SLC22A16: variants seen among roughly 807,000 people sequenced by gnomAD.
SLC22A16 encodes the protein WUGSC:RG331P03.1.
A neutral mutation model predicts 52.9 loss-of-function variants in SLC22A16; 53 were observed. The ratio of observed to expected loss-of-function variants is 1.00; its 90% CI spans 0.80 to 1.26. SLC22A16 has a LOEUF of 1.26. SLC22A16 is among the 50% of genes most tolerant of loss of function. SLC22A16 has a pLI of 0.00. For missense variants in SLC22A16, 726 were observed against 704.0 expected, an observed-to-expected ratio of 1.03 and a Z score of -0.35; for synonymous variants, 291 against 268.8, an observed-to-expected ratio of 1.08 and a Z score of -0.81.
intron 4 of SLC22A16, among the ~76,000 whole-genome samples, chr6:110,441,548 G>A (rs192882820): frequency 5.9e-5 from 9 of 152,310 alleles, no homozygotes; most frequent in Middle Eastern, 3.4e-3. Context: ...TCATGGCAAC[G>A]TTTGTTGGGG....
At chr6:110,458,700 G>A (rs1775759275) in intron 1 of SLC22A16, among the ~76,000 whole-genome samples, 1 of 152,188 alleles carries the variant, frequency 6.6e-6, no homozygotes, top group Admixed American at 6.5e-5. Flanking sequence ...ACCCTCACCA[G>A]TTGAGGTGGG....
chr6:110,473,509 T>A (rs1490531722), intron 1 of SLC22A16, among the ~76,000 whole-genome samples: 2 of 14,140 alleles, frequency 1.4e-4, no homozygotes, highest in Non-Finnish European at 3.5e-4. Flanking sequence ...TTTTTTTTTT[T>A]TTTTTTTTTT....
intron 1 of SLC22A16, among the ~76,000 whole-genome samples, chr6:110,466,041 ACT>A (rs1307481563): frequency 2.0e-5 from 3 of 152,104 alleles, no homozygotes; most frequent in Non-Finnish European, 4.4e-5. Flanking sequence ...TGGGAAAAGG[ACT>A]CTCTATTCAA....
chr6:110,453,535 G>C, intron 2 of SLC22A16: 1 of 438,232 alleles, frequency 2.3e-6, no homozygotes, highest in South Asian at 1.6e-5. Flanking sequence ...TACTTCGTTA[G>C]CAAGCAGTAG....
intron 7 of SLC22A16, among the ~76,000 whole-genome samples, chr6:110,427,543 T>G (rs753422433): frequency 6.6e-6 from 1 of 152,196 alleles, no homozygotes; most frequent in Non-Finnish European, 1.5e-5. Flanking sequence ...CATTACTGCA[T>G]GCATATATAT....
chr6:110,426,744 A>G (rs955181109), intron 7 of SLC22A16, among the ~76,000 whole-genome samples: 42 of 152,208 alleles, frequency 2.8e-4, no homozygotes, highest in African/African-American at 8.7e-4. Context: ...CGAGGTCAGG[A>G]GTTCGAGACC....
intron 7 of SLC22A16, 23 bp from the exon 8 acceptor site, chr6:110,425,108 A>G (rs1349375711): frequency 1.5e-5 from 24 of 1,612,648 alleles, no homozygotes; most frequent in Non-Finnish European, 2.0e-5. Context: ...AAAAATAATG[A>G]TAAGTGACAC....
chr6:110,430,892 C>T (rs922395261), intron 7 of SLC22A16, among the ~76,000 whole-genome samples: 7 of 152,210 alleles, frequency 4.6e-5, no homozygotes, highest in Non-Finnish European at 8.8e-5. Flanking sequence ...CTCCCTTCCC[C>T]AGGCCTGGCT....
chr6:110,452,777 C>G (rs776941409), intron 2 of SLC22A16, among the ~76,000 whole-genome samples: 7 of 152,254 alleles, frequency 4.6e-5, no homozygotes, highest in Non-Finnish European at 7.4e-5. Context: ...TAAAGGCATT[C>G]TTCTATTTTT....
chr6:110,476,304 G>A, intron 1 of SLC22A16: 1 of 1,351,336 alleles, frequency 7.4e-7, no homozygotes, highest in South Asian at 1.7e-5. Context: ...CGAGCCCAGC[G>A]CCTCTGCTCA....
chr6:110,429,141 GA>G (rs1013792254), intron 7 of SLC22A16, among the ~76,000 whole-genome samples: 11 of 150,876 alleles, frequency 7.3e-5, no homozygotes, highest in South Asian at 2.1e-4. Flanking sequence ...TATCTTTTTT[GA>G]AAAAAAATAA....
chr6:110,449,926 C>T (rs1459525124), intron 2 of SLC22A16, among the ~76,000 whole-genome samples: 2 of 152,154 alleles, frequency 1.3e-5, no homozygotes, highest in Non-Finnish European at 2.9e-5. Flanking sequence ...ACAATCTGCC[C>T]TTCTCTACTT....
intron 6 of SLC22A16, among the ~76,000 whole-genome samples, chr6:110,433,450 A>G (rs1484074474): frequency 5.3e-5 from 8 of 152,176 alleles, no homozygotes; most frequent in African/African-American, 1.2e-4. Context: ...GATTTATGCT[A>G]TCTCTTGACT....
chr6:110,447,851 TTC>T lies in SLC22A16; in HGVS notation c.534-863_534-862del, dbSNP rs1353912724. On this transcript the variant is annotated intron_variant, in intron 2 of 7. Transcript: ENST00000368919. ...CATGTATTAGCACTTCATTCCTTTT[TTC>T]TCTCTGAGTAGCACCATTATACGGA... 5.9e-5 allele frequency among the ~76,000 whole-genome samples: 9 copies of T among 152,362 alleles called. 1 individual carries two copies. The highest frequency in any genetic ancestry group is 1.9e-4 in the African/African-American group (8 of 41,586).
At chr6:110,454,690 T>TG (rs1444879979) in intron 2 of SLC22A16, among the ~76,000 whole-genome samples, 2 of 77,546 alleles carry the variant, frequency 2.6e-5, no homozygotes, top group African/African-American at 1.2e-4. Flanking sequence ...ATATTTTATA[T>TG]TATATATATT....
At chr6:110,457,972 C>G (rs1234746153) in intron 1 of SLC22A16, among the ~76,000 whole-genome samples, 1 of 152,186 alleles carries the variant, frequency 6.6e-6, no homozygotes, top group Non-Finnish European at 1.5e-5. Context: ...GGCCTGCCTG[C>G]AGTTATCTGG....
intron 1 of SLC22A16, chr6:110,475,092 C>T (rs1776413479): frequency 2.3e-6 from 1 of 443,600 alleles, no homozygotes; most frequent in Admixed American, 2.5e-5. Context: ...TGTGTGGTAG[C>T]GCCAGAGTGG....
At chr6:110,462,735 C>T (rs900148663) in intron 1 of SLC22A16, among the ~76,000 whole-genome samples, 25 of 152,078 alleles carry the variant, frequency 1.6e-4, no homozygotes, top group Admixed American at 5.9e-4. Context: ...CCTGATCTTG[C>T]TATAGAGGTA....
At chr6:110,458,450 A>G (rs1490080923) in intron 1 of SLC22A16, among the ~76,000 whole-genome samples, 1 of 152,240 alleles carries the variant, frequency 6.6e-6, no homozygotes, top group Non-Finnish European at 1.5e-5. Flanking sequence ...CAGACCCTGT[A>G]AGGCTGGCCC....
Sources: allele counts gnomAD v4.1 joint callset (sites outside exome capture counted in the v4.1 genomes callset), GRCh38; gene constraint gnomAD v4.1.1; transcripts MANE v1.5; gene names NCBI Gene and HGNC (gene_info 2026-07-23, HGNC 2026-07-21).